The following TRMO variants were observed in gnomAD, a reference collection of about 807,000 sequenced individuals.
TRMO encodes the protein tRNA methyltransferase O.
A neutral mutation model predicts 37.2 loss-of-function variants in TRMO; 30 were observed. That is an observed-to-expected ratio of 0.81 (90% CI 0.60 to 1.09). The LOEUF is 1.09. Ranked by LOEUF, TRMO falls within the 50% of genes least tolerant of loss-of-function variation. The pLI is 0.00. For missense variants in TRMO, 552 were observed against 549.5 expected (o/e 1.00, Z -0.05); for synonymous variants, 239 against 199.4 (o/e 1.20, Z -1.67).
intron 2 of TRMO, 77 bp downstream of exon 2, chr9:97,916,087 G>T: frequency 9.3e-7 from 1 of 1,069,896 alleles, no homozygotes; most frequent in Non-Finnish European, 1.4e-6. Flanking sequence ...AGACTCCAAG[G>T]TTGCCTTCAA....
At chr9:97,904,198 G>A (rs1325042407), downstream of TRMO, among the ~76,000 whole-genome samples, 2 of 152,102 alleles carry the variant, frequency 1.3e-5, no homozygotes, top group Non-Finnish European at 2.9e-5. Context: ...TTTAGAATCA[G>A]TATTAAATAT....
intron 3 of TRMO, chr9:97,913,084 T>G (rs1826200064): frequency 1.9e-6 from 1 of 515,160 alleles, no homozygotes; most frequent in Admixed American, 2.7e-5. Flanking sequence ...TTAATCATTT[T>G]GTATTTACTG....
chr9:97,916,315 C>T lies in TRMO; in HGVS notation c.100G>A (p.Gly34Ser), dbSNP rs1826359682. 6.2e-7 allele frequency: 1 copy of T among 1,611,964 alleles called. No individual in the cohort carries two copies. Residue 34 changes from glycine to serine, a missense_variant, in exon 2 of 5, where the codon GGC becomes AGC. By Grantham distance (56) the Gly-to-Ser change is moderately conservative. Coordinates refer to ENST00000375119, the MANE Select transcript of TRMO (RefSeq NM_016481.5). ...GCCGAGAAACAAGATTCCAAGTAGC[C>T]GACTGGCTCAGTTAAAAGATTCCCT... Reference protein sequence around the residue: ...ETGNLLTEPVGYLESCFSAKN... With the variant: ...ETGNLLTEPVSYLESCFSAKN...
At chr9:97,915,304 T>A (rs1826305041) in intron 2 of TRMO, among the ~76,000 whole-genome samples, 1 of 152,208 alleles carries the variant, frequency 6.6e-6, no homozygotes, top group Non-Finnish European at 1.5e-5. Flanking sequence ...TAGAGCAGGA[T>A]CTGCAAACTT....
chr9:97,898,561 A>T, the TRMO span, among the ~76,000 whole-genome samples: 7 of 152,026 alleles, frequency 4.6e-5, no homozygotes, highest in Non-Finnish European at 1.0e-4. Context: ...ATACCAAAAA[A>T]AATTTTGTTT....
rs1176565249 is a variant in TRMO, at chr9:97,908,256, C to CA, written c.1066+1703dup. Among the ~76,000 whole-genome samples, 78 of 152,018 alleles carry CA rather than the reference C, an allele frequency of 5.1e-4. 1 individual carries two copies. The highest frequency in any genetic ancestry group is 3.8e-3 in the Admixed American group (58 of 15,268). On this transcript the variant is annotated intron_variant, in intron 4 of 4. Coordinates refer to ENST00000375119, the MANE Select transcript of TRMO (RefSeq NM_016481.5). ...TGAAACTCAGTCTCTACTAAAAATA[C>CA]AAAAAATTAGCTGGGTGTGGTGGCG...
At chr9:97,916,115 G>A (rs1441560354) in intron 2 of TRMO, 49 bp downstream of exon 2, 1 of 1,425,608 alleles carries the variant, frequency 7.0e-7, no homozygotes, top group Non-Finnish European at 9.6e-7. Context: ...ACTTTATTCG[G>A]GGGCAAGTTC....
intron 4 of TRMO, among the ~76,000 whole-genome samples, chr9:97,907,111 C>A (rs547860921): frequency 6.6e-6 from 1 of 152,264 alleles, no homozygotes; most frequent in South Asian, 2.1e-4. Flanking sequence ...AAAAGTAAAG[C>A]CTTAGGAGCC....
intron 4 of TRMO, among the ~76,000 whole-genome samples, chr9:97,909,385 G>C (rs1198242410): frequency 6.6e-6 from 1 of 152,164 alleles, no homozygotes; most frequent in Non-Finnish European, 1.5e-5. Flanking sequence ...ATGTGTTAAA[G>C]TAAGCAGGCT....
intron 1 of TRMO, among the ~76,000 whole-genome samples, chr9:97,919,868 AG>A: frequency 6.6e-6 from 1 of 152,218 alleles, no homozygotes; most frequent in Non-Finnish European, 1.5e-5. Context: ...ATGAACTGGA[AG>A]TATACTCAAG....
chr9:97,908,857 T>C (rs1329818899), intron 4 of TRMO, among the ~76,000 whole-genome samples: 3 of 152,190 alleles, frequency 2.0e-5, no homozygotes, highest in Non-Finnish European at 2.9e-5. Flanking sequence ...TAAACAACTG[T>C]AGAATGAATA....
At chr9:97,900,691 C>T, downstream of TRMO, 1 of 814,542 alleles carries the variant, frequency 1.2e-6, no homozygotes, top group Non-Finnish European at 1.5e-6. Context: ...ACGAAAAGCA[C>T]ATAGTCCAGT....
In TRMO at chr9:97,910,202, C is replaced by T; in HGVS notation, c.824G>A (p.Cys275Tyr). The part of the protein sequence containing the change: ...SVAEEQIGPY[C>Y]PEKSFSEKGT... ...TTTCTCTGAAAAGCTCTTCTCTGGG[C>T]AATATGGGCCAATTTGTTCTTCTGC... is the stretch of plus-strand genomic sequence containing the variant. Residue 275 changes from cysteine (C) to tyrosine (Y), a missense_variant, in exon 4 of 5, where the codon TGC (cysteine) becomes TAC (tyrosine). Physicochemically the swap from Cys to Tyr is radical, Grantham distance 194. Transcript: ENST00000375119. 4.3e-6 allele frequency: 7 copies of T among 1,614,204 alleles called. No individual in the cohort carries two copies. The highest frequency in any genetic ancestry group is 5.9e-6 in the Non-Finnish European group (7 of 1,180,030).
downstream of TRMO, among the ~76,000 whole-genome samples, chr9:97,899,843 T>C (rs771926652): frequency 1.1e-4 from 16 of 152,012 alleles, no homozygotes; most frequent in Non-Finnish European, 2.4e-4. Flanking sequence ...TAGTGAGCTA[T>C]GACTGAGCCA....
rs754021759 is a variant in TRMO at position 97,910,016 on chromosome 9, A to C, written c.1010T>G (p.Leu337Ter). ...GGCATGAGGAGTAAACCGCACTTCT[A>C]AAGTGGCCACAGGAGCCTCTGTCAC... ...AWVTEAPVAT[L>*]EVRFTPHAEM... Residue 337 changes from leucine (L) to a stop codon, truncating the protein, a stop_gained, in exon 4 of 5, where the codon TTA becomes TGA. Transcript: ENST00000375119. LOFTEE classifies it high-confidence loss of function. 1.9e-6 allele frequency: 3 copies of C among 1,601,152 alleles called. No individual in the cohort carries two copies. Among genetic ancestry groups the C allele is most frequent in the South Asian group, 1.1e-5 (1 of 89,800 alleles).
At chr9:97,900,086 C>G (rs1416099176), downstream of TRMO, among the ~76,000 whole-genome samples, 1 of 152,054 alleles carries the variant, frequency 6.6e-6, no homozygotes, top group Non-Finnish European at 1.5e-5. Flanking sequence ...AAAACAGAAG[C>G]CATTCATACA....
In TRMO at chr9:97,904,669, C is replaced by T; in HGVS notation, c.*64G>A. 6.3e-7 allele frequency: 1 copy of T among 1,587,016 alleles called. No individual in the cohort carries two copies. Among genetic ancestry groups the T allele is most frequent in the South Asian group, 1.1e-5 (1 of 88,090 alleles). ...CTTCTCGACACAACATTAGCTTGTT[C>T]AGAAAATCCAAAAGCCACATCCAAA... is the stretch of plus-strand genomic sequence containing the variant. On this transcript the variant is annotated 3_prime_UTR_variant, in exon 5 of 5. Coordinates refer to ENST00000375119, the MANE Select transcript of TRMO (RefSeq NM_016481.5).
chr9:97,898,868 C>A, the TRMO span, among the ~76,000 whole-genome samples: 1 of 69,800 alleles, frequency 1.4e-5, no homozygotes, highest in African/African-American at 8.1e-5. Flanking sequence ...TAGATGGAGA[C>A]TCGCTCTGTC....
At chr9:97,899,333 G>A in the TRMO span, among the ~76,000 whole-genome samples, 2 of 152,092 alleles carry the variant, frequency 1.3e-5, no homozygotes, top group African/African-American at 4.8e-5. Flanking sequence ...ATGTTTTGTG[G>A]GGTAACTGAA....
Sources: allele counts gnomAD v4.1 joint callset (sites outside exome capture counted in the v4.1 genomes callset), GRCh38; gene constraint gnomAD v4.1.1; transcripts MANE v1.5; gene names NCBI Gene and HGNC (gene_info 2026-07-23, HGNC 2026-07-21).